CDK8: variants seen among roughly 807,000 people sequenced by gnomAD.
CDK8 encodes cyclin dependent kinase 8.
CDK8 carries 29 observed loss-of-function variants against 71.5 expected under a neutral mutation model. The ratio of observed to expected loss-of-function variants is 0.41; its 90% confidence interval spans 0.30 to 0.55. CDK8 has a LOEUF of 0.55. Ranked by LOEUF, CDK8 falls within the 20% of genes least tolerant of loss-of-function variation. The probability of loss-of-function intolerance (pLI) is 0.37; values close to 1 mark genes in which losing one functional copy is unlikely to be tolerated. For synonymous variants in CDK8, 161 were observed against 192.1 expected, an observed-to-expected ratio of 0.84 and a Z score of 1.34; for missense variants, 288 against 572.6, an observed-to-expected ratio of 0.50 and a Z score of 5.07.
intron 1 of CDK8, among the ~76,000 whole-genome samples, chr13:26,301,471 T>A (rs1438091850): frequency 1.3e-5 from 2 of 152,178 alleles, no homozygotes; most frequent in African/African-American, 2.4e-5. Flanking sequence ...GAAAGAATGT[T>A]CCTCTGTTAG....
At position 26,254,809 on chromosome 13, in the gene CDK8, C is replaced by A; in HGVS notation, c.128+40C>A. ...CTGGGCCGGTGTCCGCGCTGGGCGGCGCTCCCGCAGGCCGAGGCAGGTAGC... is the reference window on the plus strand; with the variant it reads ...CTGGGCCGGTGTCCGCGCTGGGCGGAGCTCCCGCAGGCCGAGGCAGGTAGC... On this transcript the variant is annotated intron_variant, in intron 1 of 12. Transcript: ENST00000381527. This position sits in a 1 kb window ranked among gnomAD's most constrained non-coding sequence, Gnocchi z 6.7. The A allele has an allele frequency of 6.2e-7, 1 of 1,600,642 alleles. No individual in the cohort carries two copies. Among genetic ancestry groups the A allele is most frequent in the Non-Finnish European group, 8.5e-7 (1 of 1,172,372 alleles).
intron 4 of CDK8, among the ~76,000 whole-genome samples, chr13:26,363,668 C>T (rs578246030): frequency 3.9e-5 from 6 of 152,200 alleles, no homozygotes; most frequent in Admixed American, 2.6e-4. Flanking sequence ...CCTTGCCCAG[C>T]CTGATTTATT....
chr13:26,312,566 T>C (rs1874335992), intron 1 of CDK8, among the ~76,000 whole-genome samples: 1 of 151,672 alleles, frequency 6.6e-6, no homozygotes. Context: ...CCACGAACCC[T>C]CCGGAAGGAA....
intron 1 of CDK8, among the ~76,000 whole-genome samples, chr13:26,271,842 T>A (rs1402256478): frequency 2.2e-4 from 24 of 111,346 alleles, no homozygotes; most frequent in African/African-American, 8.5e-4. Context: ...TTTTTTTTTT[T>A]AAGAGAGAGA....
chr13:26,339,744 A>T (rs1329398276), intron 2 of CDK8, among the ~76,000 whole-genome samples: 3 of 63,156 alleles, frequency 4.8e-5, no homozygotes, highest in Non-Finnish European at 1.2e-4. Flanking sequence ...TTATATAATT[A>T]CTTAAAAAAA....
At chr13:26,384,527 C>G (rs1007406535) in intron 5 of CDK8, among the ~76,000 whole-genome samples, 1 of 152,172 alleles carries the variant, frequency 6.6e-6, no homozygotes, top group South Asian at 2.1e-4. Context: ...AATAACTACA[C>G]TACATGTTAA....
At chr13:26,276,831 A>G (rs1028493756) in intron 1 of CDK8, among the ~76,000 whole-genome samples, 4 of 152,318 alleles carry the variant, frequency 2.6e-5, no homozygotes, top group Middle Eastern at 3.4e-3. Flanking sequence ...TGTAGGACTG[A>G]CATAAGTATT....
At chr13:26,267,323 A>G (rs951756728) in intron 1 of CDK8, among the ~76,000 whole-genome samples, 1 of 152,222 alleles carries the variant, frequency 6.6e-6, no homozygotes, top group African/African-American at 2.4e-5. Flanking sequence ...CAACAACTAT[A>G]TTTCATTATG....
chr13:26,346,320 A>G (rs2137987525), intron 2 of CDK8, among the ~76,000 whole-genome samples: 1 of 152,340 alleles, frequency 6.6e-6, no homozygotes, highest in Non-Finnish European at 1.5e-5. Flanking sequence ...GTGTTTTTGA[A>G]TACAGGAGTG....
rs201138767 is a variant in CDK8, at chr13:26,254,599, C to A, written c.-43C>A. The A allele has an allele frequency of 4.1e-3, 6,191 of 1,498,758 alleles. 28 individuals carry two copies. The highest frequency in any genetic ancestry group is 4.8e-3 in the Non-Finnish European group (5,352 of 1,106,604). The allele number at this position is 1,498,758 out of a possible 1,614,324, so 92.8% of individuals were successfully genotyped here. A position where few individuals can be genotyped will look rare whatever the true frequency, so the allele number is the denominator to read the frequency against. On this transcript the variant is annotated 5_prime_UTR_variant, in exon 1 of 13. Coordinates refer to ENST00000381527, the MANE Select transcript of CDK8 (RefSeq NM_001260.3). The surrounding 1 kb of genome is among the most constrained non-coding windows in gnomAD (Gnocchi z 6.7). ...GCTTCCCCGGTCCCCACCCCTGCCCCCCGGCCCCCCGACCCAGCTCTCCGG... is the reference window on the plus strand; with the variant it reads ...GCTTCCCCGGTCCCCACCCCTGCCCACCGGCCCCCCGACCCAGCTCTCCGG...
chr13:26,306,720 C>T (rs1156365739), intron 1 of CDK8, among the ~76,000 whole-genome samples: 3 of 151,294 alleles, frequency 2.0e-5, no homozygotes, highest in Non-Finnish European at 2.9e-5. Context: ...CCTCCGCCTC[C>T]TGGGTTCAAG....
intron 1 of CDK8, among the ~76,000 whole-genome samples, chr13:26,317,663 G>A (rs1262429253): frequency 6.6e-6 from 1 of 151,992 alleles, no homozygotes; most frequent in Non-Finnish European, 1.5e-5. Flanking sequence ...ACAAAATTGT[G>A]GAAATTACAC....
rs1402684949 is a variant in CDK8 at position 26,404,436 on chromosome 13, T to G, written c.*355T>G. The G allele has an allele frequency of 7.4e-6, 2 of 270,332 alleles. No individual in the cohort carries two copies. Among genetic ancestry groups the G allele is most frequent in the Non-Finnish European group, 1.4e-5 (2 of 140,186 alleles). The allele number at this position is 270,332 out of a possible 1,614,324, so 16.7% of individuals were successfully genotyped here. The stretch of plus-strand genomic sequence containing the variant: ...AGCATTTGTCTTTGTATGTGGTGAA[T>G]TTTTTCAGTGTAACAACATTATCTG... On this transcript the variant is annotated 3_prime_UTR_variant, in exon 13 of 13. Transcript: ENST00000381527.
intron 1 of CDK8, among the ~76,000 whole-genome samples, chr13:26,268,000 G>T (rs1872106397): frequency 6.6e-6 from 1 of 152,100 alleles, no homozygotes; most frequent in Non-Finnish European, 1.5e-5. Context: ...AACAACCCTA[G>T]CAGATCACTG....
rs141806986 is a variant in CDK8 at position 26,356,715 on chromosome 13, TATG to T, written c.456+2838_456+2840del. Among the ~76,000 whole-genome samples, 929 of 152,330 alleles carry T rather than the reference TATG, an allele frequency of 6.1e-3. 14 individuals carry two copies. Among genetic ancestry groups the T allele is most frequent in the African/African-American group, 0.022 (898 of 41,574 alleles). On this transcript the variant is annotated intron_variant, in intron 4 of 12. Coordinates refer to ENST00000381527, the MANE Select transcript of CDK8 (RefSeq NM_001260.3). ...CATATGATTCTAATGTATGTAGTAA[TATG>T]ATATTAACTCTCAAGAACATTGTTC...
At chr13:26,385,082 T>C (rs184764910) in intron 5 of CDK8, 129 bp from the exon 6 acceptor site, 1 of 703,538 alleles carries the variant, frequency 1.4e-6, no homozygotes, top group Admixed American at 3.0e-5. Context: ...AAAATGGATG[T>C]TTTGTGGGTT....
At chr13:26,327,150 A>G (rs1174194961) in intron 1 of CDK8, among the ~76,000 whole-genome samples, 1 of 152,214 alleles carries the variant, frequency 6.6e-6, no homozygotes, top group Non-Finnish European at 1.5e-5. Context: ...TTTTCAACTT[A>G]AAGTACATAA....
intron 1 of CDK8, among the ~76,000 whole-genome samples, chr13:26,299,820 T>C (rs1873741851): frequency 6.6e-6 from 1 of 152,176 alleles, no homozygotes; most frequent in Non-Finnish European, 1.5e-5. Flanking sequence ...TTTTAAGGAA[T>C]AGAGGAGTAG....
chr13:26,368,139 A>G (rs1293188536), intron 4 of CDK8, among the ~76,000 whole-genome samples: 1 of 152,136 alleles, frequency 6.6e-6, no homozygotes, highest in Non-Finnish European at 1.5e-5. Context: ...CCCTACCCCT[A>G]GCTAGACCCC....
Sources: gnomAD v4.1 joint callset for allele counts (sites outside exome capture counted in the v4.1 genomes callset) on GRCh38, gnomAD v4.1.1 for gene constraint, Gnocchi (gnomAD v3.1) non-coding constraint, MANE v1.5 for transcripts, NCBI Gene and HGNC (gene_info 2026-07-23, HGNC 2026-07-21) for gene names.